Variants in RAB43 observed in about 807,000 individuals in gnomAD.
RAB43 encodes the protein RAB43, member RAS oncogene family, also known as ras-related protein Rab-43.
In RAB43, 6 loss-of-function variants were observed where a neutral mutation model predicts 18.8. The observed-to-expected ratio is 0.32, with a 90% CI of 0.17 to 0.63. The LOEUF is 0.63. RAB43 is among the 30% of genes least tolerant of loss of function. The pLI, the probability that RAB43 is intolerant of heterozygous loss-of-function variation, is 0.79. For missense variants in RAB43, 195 were observed against 289.1 expected (o/e 0.67, Z 2.36); for synonymous variants, 103 against 124.1 (o/e 0.83, Z 1.13).
At chr3:129,121,837 C>A (rs1315321913), upstream of RAB43, 2 of 160,432 alleles carry the variant, frequency 1.2e-5, no homozygotes, top group African/African-American at 4.9e-5. Context: ...CGCCCCCGCC[C>A]GCCCCCGGCT....
intron 1 of RAB43, among the ~76,000 whole-genome samples, chr3:129,115,370 G>A (rs1310512296): frequency 4.6e-5 from 7 of 151,776 alleles, no homozygotes; most frequent in East Asian, 3.9e-4. Flanking sequence ...CAGGCACAGC[G>A]GTGCATGCCT....
intron 1 of RAB43, among the ~76,000 whole-genome samples, chr3:129,117,726 C>T (rs570647340): frequency 1.3e-4 from 20 of 152,318 alleles, no homozygotes; most frequent in South Asian, 4.1e-4. Context: ...CAGAATCTCA[C>T]GGTCATCTTT....
At chr3:129,105,855 C>A (rs532000290) in intron 1 of RAB43, among the ~76,000 whole-genome samples, 15 of 152,102 alleles carry the variant, frequency 9.9e-5, no homozygotes, top group African/African-American at 3.4e-4. Context: ...CCTCGGGCTA[C>A]CACTTGGCTC....
chr3:129,115,490 G>A (rs1370633379), intron 1 of RAB43, among the ~76,000 whole-genome samples: 2 of 151,042 alleles, frequency 1.3e-5, no homozygotes, highest in Non-Finnish European at 2.9e-5. Context: ...GGCAACAAGA[G>A]CGAAACCCCG....
At chr3:129,108,823 C>T (rs893791844) in intron 1 of RAB43, among the ~76,000 whole-genome samples, 2 of 152,250 alleles carry the variant, frequency 1.3e-5, no homozygotes. Context: ...CTGGTAAACA[C>T]CACCCTAACC....
At chr3:129,093,977 G>C (rs1437190150) in intron 2 of RAB43, among the ~76,000 whole-genome samples, 2 of 152,196 alleles carry the variant, frequency 1.3e-5, no homozygotes, top group African/African-American at 4.8e-5. Flanking sequence ...GGACCCCAGG[G>C]ATAACATAAG....
chr3:129,110,610 G>A (rs1935096970), intron 1 of RAB43, among the ~76,000 whole-genome samples: 1 of 152,150 alleles, frequency 6.6e-6, no homozygotes, highest in Admixed American at 6.5e-5. Flanking sequence ...AGGCTGAGGC[G>A]GGCGGATCAC....
rs1316510939 is a variant in RAB43, at chr3:129,095,308, A to G, written c.205-139T>C. ...TTCTGAGTCCTTAGAAAGCAACTCA[A>G]TGGCTCAACCTTGTTGGAAAAATGG... On this transcript the variant is annotated intron_variant, in intron 1 of 2. Coordinates refer to ENST00000315150, the MANE Select transcript of RAB43 (RefSeq NM_198490.3). The surrounding 1 kb of genome is among the most constrained non-coding windows in gnomAD (Gnocchi z 4.2). 4 of 1,238,998 alleles carry G rather than the reference A, an allele frequency of 3.2e-6. No individual in the cohort carries two copies. Among genetic ancestry groups the G allele is most frequent in the Non-Finnish European group, 4.4e-6 (4 of 913,682 alleles). 76.8% of individuals were successfully genotyped at this position (1,238,998 alleles called of 1,614,324 possible). A position where few individuals can be genotyped will look rare whatever the true frequency, so the allele number is the denominator to read the frequency against.
chr3:129,117,560 C>T (rs1216938015), intron 1 of RAB43, among the ~76,000 whole-genome samples: 3 of 152,184 alleles, frequency 2.0e-5, no homozygotes, highest in African/African-American at 4.8e-5. Flanking sequence ...GTCTCTGAGC[C>T]GTTTGGGTAT....
chr3:129,108,454 TATATTTTC>T lies in RAB43; in HGVS notation c.204+12824_204+12831del, dbSNP rs1229403913. On this transcript the variant is annotated intron_variant, in intron 1 of 2. Transcript: ENST00000315150. ...ATTGCATGCTAATTACCTGTCTACATATATTTTCTCCACCAGAGGTGAGTCCCCAGAGA... is the reference window on the plus strand; with the variant it reads ...ATTGCATGCTAATTACCTGTCTACATTCCACCAGAGGTGAGTCCCCAGAGA... Among the ~76,000 whole-genome samples the T allele has an allele frequency of 3.3e-5, 5 of 152,368 alleles. No individual in the cohort carries two copies. The East Asian group carries it at 9.6e-4, about 29-fold the overall frequency.
intron 1 of RAB43, among the ~76,000 whole-genome samples, chr3:129,115,933 T>G (rs1291575238): frequency 6.6e-6 from 1 of 152,254 alleles, no homozygotes; most frequent in East Asian, 1.9e-4. Context: ...CCGTCCCACC[T>G]GGGATGTGAA....
In RAB43 at chr3:129,107,423, C is replaced by A. The variant is rs549636862; in HGVS notation, c.205-12254G>T. ...CAAGTGCCACCTCTTCCGGGTATTC[C>A]TCTTCCTCGCAGGAAGCTAAGGGCA... is the stretch of plus-strand genomic sequence containing the variant. On this transcript the variant is annotated intron_variant, in intron 1 of 2. Coordinates refer to ENST00000315150, the MANE Select transcript of RAB43 (RefSeq NM_198490.3). This position sits in a 1 kb window ranked among gnomAD's most constrained non-coding sequence, Gnocchi z 4.2. Among the ~76,000 whole-genome samples the A allele has an allele frequency of 2.6e-5, 4 of 152,170 alleles. No homozygotes were observed. In the South Asian group the frequency reaches 8.3e-4, roughly 32 times the overall value.
chr3:129,099,452 T>C (rs767310694), intron 1 of RAB43, among the ~76,000 whole-genome samples: 4 of 151,412 alleles, frequency 2.6e-5, no homozygotes, highest in African/African-American at 4.9e-5. Flanking sequence ...AATGGCACGA[T>C]CTTCGCTCAC....
Position 129,114,648 on chromosome 3 carries a change from C to T in RAB43, c.204+6638G>A, listed in dbSNP as rs563467434. Among the ~76,000 whole-genome samples the T allele has an allele frequency of 6.6e-5, 10 of 152,250 alleles. No homozygotes were observed. In the South Asian group the frequency reaches 1.5e-3, roughly 22 times the overall value. ...GTCTCAGCAAAGGCCAATCACAGCC[C>T]GAGCACTACACAAAGGCCAGTGCAA... On this transcript the variant is annotated intron_variant, in intron 1 of 2. Transcript: ENST00000315150.
At chr3:129,102,755 G>C (rs552514707) in intron 1 of RAB43, among the ~76,000 whole-genome samples, 1 of 152,112 alleles carries the variant, frequency 6.6e-6, no homozygotes, top group East Asian at 1.9e-4. Flanking sequence ...AAGAGGAGGC[G>C]GAAGCCAAGC....
chr3:129,117,114 C>A (rs890630295), intron 1 of RAB43, among the ~76,000 whole-genome samples: 1 of 152,152 alleles, frequency 6.6e-6, no homozygotes, highest in African/African-American at 2.4e-5. Flanking sequence ...GGGTGGCTTA[C>A]GGGACAAACA....
chr3:129,116,438 C>G (rs993234109), intron 1 of RAB43, among the ~76,000 whole-genome samples: 6 of 152,200 alleles, frequency 3.9e-5, no homozygotes, highest in African/African-American at 1.4e-4. Flanking sequence ...TTTGCTATTT[C>G]TAATGAAAAC....
At chr3:129,097,422 T>TTC (rs530661278) in intron 1 of RAB43, among the ~76,000 whole-genome samples, 5 of 152,326 alleles carry the variant, frequency 3.3e-5, no homozygotes, top group Admixed American at 3.3e-4. Context: ...CAACCTAGAA[T>TTC]TCTCTACCCA....
chr3:129,097,585 G>A (rs1934142772), intron 1 of RAB43, among the ~76,000 whole-genome samples: 1 of 152,162 alleles, frequency 6.6e-6, no homozygotes, highest in Non-Finnish European at 1.5e-5. Flanking sequence ...GTGGGATCCA[G>A]AAAACAGAGA....
Sources: gnomAD v4.1 joint callset for allele counts (sites outside exome capture counted in the v4.1 genomes callset) on GRCh38, gnomAD v4.1.1 for gene constraint, Gnocchi (gnomAD v3.1) non-coding constraint, MANE v1.5 for transcripts, NCBI Gene and HGNC (gene_info 2026-07-23, HGNC 2026-07-21) for gene names.